ABCC12: variants seen among roughly 807,000 people sequenced by gnomAD.
ABCC12 encodes the protein ATP binding cassette subfamily C member 12, also known as ATP-binding cassette sub-family C member 12.
ABCC12 carries 142 observed loss-of-function variants against 151.1 expected under a neutral mutation model. The observed-to-expected ratio is 0.94, with a 90% confidence interval of 0.82 to 1.08. ABCC12 has a LOEUF of 1.08. Among genes scored for constraint, ABCC12 ranks in the 50% least tolerant of loss-of-function variants. The probability of loss-of-function intolerance (pLI) is 0.00; values close to 1 mark genes in which losing one functional copy is unlikely to be tolerated. For synonymous variants in ABCC12, 645 were observed against 646.4 expected, an observed-to-expected ratio of 1.00 and a Z score of 0.03; for missense variants, 1,638 against 1,691.1, an observed-to-expected ratio of 0.97 and a Z score of 0.55.
chr16:48,093,286 G>A (rs1192696135), intron 24 of ABCC12, among the ~76,000 whole-genome samples: 1 of 152,110 alleles, frequency 6.6e-6, no homozygotes, highest in African/African-American at 2.4e-5. Flanking sequence ...ATTCTACTCT[G>A]CCGGCACCTC....
intron 4 of ABCC12, among the ~76,000 whole-genome samples, chr16:48,142,644 C>T (rs1327143884): frequency 1.3e-5 from 2 of 152,312 alleles, no homozygotes; most frequent in East Asian, 3.9e-4. Flanking sequence ...GACTAACACT[C>T]CCAGGCCTTC....
At chr16:48,098,845 T>A (rs1963203996) in intron 23 of ABCC12, among the ~76,000 whole-genome samples, 1 of 152,232 alleles carries the variant, frequency 6.6e-6, no homozygotes, top group Non-Finnish European at 1.5e-5. Context: ...TATAGGATTC[T>A]CTCAGAAATC....
intron 22 of ABCC12, among the ~76,000 whole-genome samples, chr16:48,103,337 G>C (rs73540864): frequency 0.035 from 5,367 of 152,252 alleles, 322 homozygotes; most frequent in African/African-American, 0.12. Flanking sequence ...TGGCTGGGCA[G>C]GTCTAGGATC....
intron 8 of ABCC12, among the ~76,000 whole-genome samples, chr16:48,135,789 C>G (rs1964589110): frequency 6.6e-6 from 1 of 152,214 alleles, no homozygotes; most frequent in Non-Finnish European, 1.5e-5. Context: ...CACAAAAACT[C>G]AAGAGTATTC....
Position 48,143,921 on chromosome 16 carries a change from G to A in ABCC12, c.264C>T (p.Thr88=). The A allele has an allele frequency of 6.2e-7, 1 of 1,613,572 alleles. No individual in the cohort carries two copies. The highest frequency in any genetic ancestry group is 8.5e-7 in the Non-Finnish European group (1 of 1,179,624). ...GCAAATCCTGGTACCTTTTGGCATT[G>A]GTGTCAGATGAGTCATATGTCGACA... ...PPLSTYDSSD[T]NAKRFRVLWD... Residue 88 remains threonine, a synonymous_variant, in exon 4 of 31, where the codon ACC becomes ACT. Transcript: ENST00000311303.
At chr16:48,143,494 C>G (rs890139847) in intron 4 of ABCC12, among the ~76,000 whole-genome samples, 2 of 152,206 alleles carry the variant, frequency 1.3e-5, no homozygotes, top group African/African-American at 4.8e-5. Context: ...TTATGGGACC[C>G]CTTCCTTAGA....
chr16:48,118,050 AGTTT>A (rs1285298219), intron 13 of ABCC12, among the ~76,000 whole-genome samples: 1 of 151,972 alleles, frequency 6.6e-6, no homozygotes, highest in Non-Finnish European at 1.5e-5. Context: ...GGCTTTGGGG[AGTTT>A]GACAGCCGAG....
chr16:48,090,401 CT>C (rs1011013161), intron 25 of ABCC12, among the ~76,000 whole-genome samples: 4,549 of 118,952 alleles, frequency 0.038, 220 homozygotes, highest in African/African-American at 0.13. Flanking sequence ...CAAATTTGAA[CT>C]TTTTTTTTTT....
intron 5 of ABCC12, 82 bp downstream of exon 5, chr16:48,141,124 C>A (rs530105418): frequency 3.2e-6 from 5 of 1,557,984 alleles, no homozygotes; most frequent in East Asian, 4.6e-5. Flanking sequence ...CTAAACCCAC[C>A]AGCTCGTAGA....
At chr16:48,150,876 C>G (rs934174961) in intron 2 of ABCC12, among the ~76,000 whole-genome samples, 2 of 152,146 alleles carry the variant, frequency 1.3e-5, no homozygotes, top group African/African-American at 4.8e-5. Flanking sequence ...GAATCCATTA[C>G]CATAATTATC....
Position 48,105,127 on chromosome 16 carries a change from T to C in ABCC12, c.2673+12A>G. Reference sequence around the variant, plus strand: ...GAATAACTGGGTACACCTGCAATGCTTGTGGCCCTACCTTATCAAACACCG... The same window carrying C: ...GAATAACTGGGTACACCTGCAATGCCTGTGGCCCTACCTTATCAAACACCG... On this transcript the variant is annotated intron_variant, in intron 21 of 30. Transcript: ENST00000311303. The C allele has an allele frequency of 6.2e-7, 1 of 1,614,084 alleles. No individual in the cohort carries two copies. Among genetic ancestry groups the C allele is most frequent in the Non-Finnish European group, 8.5e-7 (1 of 1,179,998 alleles).
At chr16:48,086,843 C>G (rs374143549) in intron 27 of ABCC12, 24 bp from the exon 28 acceptor site, 123 of 1,588,868 alleles carry the variant, frequency 7.7e-5, no homozygotes, top group Middle Eastern at 1.7e-4. Context: ...GAGGAGAGGA[C>G]AGGGAGCCAG....
intron 13 of ABCC12, 134 bp downstream of exon 13, chr16:48,121,572 AGTGTCTGTGT>A: frequency 8.9e-7 from 1 of 1,129,668 alleles, no homozygotes; most frequent in Non-Finnish European, 1.2e-6. Flanking sequence ...GAGGAAAACC[AGTGTCTGTGT>A]GGATCTGATG....
intron 1 of ABCC12, among the ~76,000 whole-genome samples, chr16:48,155,510 G>T (rs931238194): frequency 2.6e-5 from 4 of 152,078 alleles, no homozygotes; most frequent in East Asian, 1.9e-4. Context: ...ATATGTGTTT[G>T]TGTTTGTGCA....
chr16:48,115,733 G>A (rs145652637), intron 14 of ABCC12, 115 bp from the exon 15 acceptor site: 27 of 1,109,534 alleles, frequency 2.4e-5, no homozygotes, highest in Admixed American at 1.1e-4. Context: ...ACTGATCCTC[G>A]CCATATCCAA....
intron 1 of ABCC12, among the ~76,000 whole-genome samples, chr16:48,155,131 G>A (rs1965167508): frequency 6.6e-6 from 1 of 152,186 alleles, no homozygotes; most frequent in Non-Finnish European, 1.5e-5. Context: ...GAGGCAGAGA[G>A]GTGGCAGAGG....
At chr16:48,124,385 G>T in intron 11 of ABCC12, 101 bp from the exon 12 acceptor site, 1 of 1,147,432 alleles carries the variant, frequency 8.7e-7, no homozygotes, top group Non-Finnish European at 1.3e-6. Flanking sequence ...AGGCCAGGCG[G>T]AGAACAAGGG....
chr16:48,098,256 A>G (rs887588942), intron 23 of ABCC12, among the ~76,000 whole-genome samples: 2 of 152,094 alleles, frequency 1.3e-5, no homozygotes, highest in African/African-American at 4.8e-5. Context: ...ATCAGATTCA[A>G]TTGCCACTGT....
At chr16:48,098,764 G>A (rs932515290) in intron 23 of ABCC12, among the ~76,000 whole-genome samples, 7 of 152,108 alleles carry the variant, frequency 4.6e-5, no homozygotes, top group Non-Finnish European at 8.8e-5. Context: ...TGCAATACAC[G>A]TCAGAAACCC....
Sources: allele counts gnomAD v4.1 joint callset (sites outside exome capture counted in the v4.1 genomes callset), GRCh38; gene constraint gnomAD v4.1.1; transcripts MANE v1.5; gene names NCBI Gene and HGNC (gene_info 2026-07-23, HGNC 2026-07-21).